Variants in ULK4 observed in about 807,000 individuals in gnomAD.
ULK4 encodes the protein inactive serine/threonine-protein kinase ULK4.
ULK4 carries 133 observed loss-of-function variants against 160.6 expected under a neutral mutation model. The observed-to-expected ratio is 0.83, with a 90% CI of 0.72 to 0.96. The LOEUF is 0.96. Among genes scored for constraint, ULK4 ranks in the 40% least tolerant of loss-of-function variants. The probability of loss-of-function intolerance (pLI) is 0.00; values close to 1 mark genes in which losing one functional copy is unlikely to be tolerated. For missense variants in ULK4, 1,580 were observed against 1,499.5 expected, an observed-to-expected ratio of 1.05 and a Z score of -0.89; for synonymous variants, 534 against 539.8, an observed-to-expected ratio of 0.99 and a Z score of 0.15.
At chr3:41,574,121 G>C (rs72860654) in intron 31 of ULK4, among the ~76,000 whole-genome samples, 1 of 152,164 alleles carries the variant, frequency 6.6e-6, no homozygotes, top group Non-Finnish European at 1.5e-5. Context: ...AGAGGTTGCC[G>C]TGAGCCGAGA....
At chr3:41,255,938 A>G (rs993387231) in intron 35 of ULK4, among the ~76,000 whole-genome samples, 3 of 152,214 alleles carry the variant, frequency 2.0e-5, no homozygotes, top group African/African-American at 7.2e-5. Flanking sequence ...GCATATGGAA[A>G]ATTTCCAAAA....
intron 19 of ULK4, among the ~76,000 whole-genome samples, chr3:41,811,395 C>T (rs73077373): frequency 0.12 from 18,819 of 152,036 alleles, 1,351 homozygotes; most frequent in Middle Eastern, 0.27. Context: ...TTGAACCCAG[C>T]GATCCTCCTG....
chr3:41,913,022 T>C, intron 8 of ULK4, 123 bp from the exon 9 acceptor site: 1 of 731,524 alleles, frequency 1.4e-6, no homozygotes, highest in Non-Finnish European at 2.2e-6. Flanking sequence ...GAAATCATTT[T>C]ATATTTTATT....
At chr3:41,420,477 T>TA (rs1409852057) in intron 34 of ULK4, among the ~76,000 whole-genome samples, 18 of 43,690 alleles carry the variant, frequency 4.1e-4, no homozygotes, top group African/African-American at 9.6e-4. Flanking sequence ...AGTTCTTTCT[T>TA]TTTTTTTTTT....
At chr3:41,603,572 C>T (rs755988040) in intron 31 of ULK4, among the ~76,000 whole-genome samples, 9 of 151,802 alleles carry the variant, frequency 5.9e-5, no homozygotes, top group South Asian at 2.1e-4. Flanking sequence ...AACATAGATG[C>T]CTGAAATAGA....
intron 14 of ULK4, among the ~76,000 whole-genome samples, chr3:41,897,685 C>T (rs576279155): frequency 1.3e-5 from 2 of 152,204 alleles, no homozygotes; most frequent in African/African-American, 2.4e-5. Context: ...TAATACTTTG[C>T]TTCACTTGGC....
At chr3:41,673,325 A>C (rs1449448977) in intron 29 of ULK4, among the ~76,000 whole-genome samples, 2 of 152,140 alleles carry the variant, frequency 1.3e-5, no homozygotes, top group Admixed American at 1.3e-4. Flanking sequence ...AAATAGAGAA[A>C]TCAGGTAGTC....
At chr3:41,380,194 C>G (rs1575490754) in intron 35 of ULK4, among the ~76,000 whole-genome samples, 1 of 151,926 alleles carries the variant, frequency 6.6e-6, no homozygotes, top group South Asian at 2.1e-4. Context: ...AGGGTGAAGA[C>G]AAGACAATTC....
At chr3:41,834,699 G>A (rs1179743580) in intron 18 of ULK4, among the ~76,000 whole-genome samples, 1 of 152,188 alleles carries the variant, frequency 6.6e-6, no homozygotes, top group East Asian at 1.9e-4. Flanking sequence ...TAGATACTAA[G>A]GATATTGAGG....
intron 34 of ULK4, among the ~76,000 whole-genome samples, chr3:41,447,885 A>G (rs1285595479): frequency 3.3e-5 from 5 of 152,130 alleles, no homozygotes; most frequent in Admixed American, 2.6e-4. Context: ...TCTAGAGAGA[A>G]GTCTAAATGA....
At chr3:41,811,939 T>A (rs113896606) in intron 19 of ULK4, among the ~76,000 whole-genome samples, 2,585 of 152,284 alleles carry the variant, frequency 0.017, 84 homozygotes, top group African/African-American at 0.058. Flanking sequence ...ATTATGACAC[T>A]CTTTTCCAAA....
chr3:41,872,647 C>CATT (rs150798726), intron 17 of ULK4, among the ~76,000 whole-genome samples: 2 of 151,396 alleles, frequency 1.3e-5, no homozygotes, highest in Non-Finnish European at 2.9e-5. Flanking sequence ...CATCCAGATG[C>CATT]ATTATTATTA....
intron 35 of ULK4, among the ~76,000 whole-genome samples, chr3:41,274,578 C>A (rs1575382713): frequency 6.6e-6 from 1 of 152,174 alleles, no homozygotes; most frequent in African/African-American, 2.4e-5. Context: ...TGAGTGGCAG[C>A]CACAGAACCT....
chr3:41,330,172 C>G (rs991652980), intron 35 of ULK4, among the ~76,000 whole-genome samples: 8 of 152,162 alleles, frequency 5.3e-5, no homozygotes, highest in African/African-American at 1.9e-4. Flanking sequence ...TGTGCCCTAT[C>G]TCTCCAAACC....
chr3:41,909,982 CA>C (rs1452201830), intron 11 of ULK4, among the ~76,000 whole-genome samples: 1 of 152,158 alleles, frequency 6.6e-6, no homozygotes, highest in East Asian at 1.9e-4. Flanking sequence ...TTGCAACCTC[CA>C]CCACCCGGGT....
chr3:41,294,032 C>T (rs28561788), intron 35 of ULK4, among the ~76,000 whole-genome samples: 26,617 of 152,172 alleles, frequency 0.17, 2,943 homozygotes, highest in African/African-American at 0.31. Flanking sequence ...CTGGTAAAGT[C>T]TGCAATGCAG....
intron 32 of ULK4, among the ~76,000 whole-genome samples, chr3:41,547,373 G>T (rs957307412): frequency 1.1e-4 from 17 of 152,126 alleles, no homozygotes; most frequent in African/African-American, 3.9e-4. Flanking sequence ...GGAAGGGACA[G>T]GGAACATCTG....
intron 34 of ULK4, among the ~76,000 whole-genome samples, chr3:41,439,190 G>A (rs1053349941): frequency 1.8e-4 from 28 of 152,000 alleles, no homozygotes; most frequent in African/African-American, 6.8e-4. Context: ...ACAGAACCTG[G>A]ACCAAATTCA....
At chr3:41,454,186 A>C (rs1257916165) in intron 34 of ULK4, among the ~76,000 whole-genome samples, 1 of 150,526 alleles carries the variant, frequency 6.6e-6, no homozygotes, top group Non-Finnish European at 1.5e-5. Context: ...TTAAAAAAAA[A>C]AAAAGAAAAA....
Sources: allele counts gnomAD v4.1 joint callset (sites outside exome capture counted in the v4.1 genomes callset), GRCh38; gene constraint gnomAD v4.1.1; transcripts MANE v1.5; gene names NCBI Gene and HGNC (gene_info 2026-07-23, HGNC 2026-07-21).